The following FRMD4A variants were observed in gnomAD, a reference collection of about 807,000 sequenced individuals.
FRMD4A encodes FERM domain containing 4A, also known as FERM domain-containing protein 4A.
FRMD4A carries 29 observed loss-of-function variants against 129.1 expected under a neutral mutation model. The ratio of observed to expected loss-of-function variants is 0.22; its 90% CI spans 0.17 to 0.31. FRMD4A has a LOEUF of 0.31. Ranked by LOEUF, FRMD4A falls within the 10% of genes least tolerant of loss-of-function variation. The pLI, the probability that FRMD4A is intolerant of heterozygous loss-of-function variation, is 1.00. For missense variants in FRMD4A, 1,272 were observed against 1,375.8 expected, an observed-to-expected ratio of 0.92 and a Z score of 1.19; for synonymous variants, 634 against 571.6, an observed-to-expected ratio of 1.11 and a Z score of -1.56.
chr10:14,156,287 T>G (rs1231867338), intron 2 of FRMD4A, among the ~76,000 whole-genome samples: 1 of 152,072 alleles, frequency 6.6e-6, no homozygotes, highest in Non-Finnish European at 1.5e-5. Flanking sequence ...ATTACAACAA[T>G]ACACACCCAC....
intron 15 of FRMD4A, among the ~76,000 whole-genome samples, chr10:13,686,779 G>A (rs1378186558): frequency 6.6e-6 from 1 of 152,132 alleles, no homozygotes; most frequent in Admixed American, 6.5e-5. Context: ...AGAATGGGTC[G>A]TTTATGGCCC....
intron 3 of FRMD4A, among the ~76,000 whole-genome samples, chr10:13,853,648 A>G (rs1422977851): frequency 1.3e-5 from 2 of 152,046 alleles, no homozygotes; most frequent in Non-Finnish European, 2.9e-5. Context: ...AGCCTCGTCA[A>G]CACGGCGCAA....
intron 2 of FRMD4A, among the ~76,000 whole-genome samples, chr10:13,960,329 G>A (rs887893592): frequency 2.0e-5 from 3 of 152,202 alleles, no homozygotes; most frequent in African/African-American, 7.2e-5. Flanking sequence ...TTAATTTTTT[G>A]AGACGTTAAG....
At chr10:14,146,188 T>C (rs188002758) in intron 2 of FRMD4A, among the ~76,000 whole-genome samples, 1 of 152,314 alleles carries the variant, frequency 6.6e-6, no homozygotes, top group African/African-American at 2.4e-5. Context: ...ACTTAAAAGG[T>C]GGCTCATAGT....
chr10:13,854,295 C>T (rs766575716), intron 3 of FRMD4A, among the ~76,000 whole-genome samples: 2 of 152,204 alleles, frequency 1.3e-5, no homozygotes, highest in Non-Finnish European at 2.9e-5. Flanking sequence ...AAGGATATGA[C>T]AACGAGACTT....
chr10:13,651,718 G>C, intron 24 of FRMD4A, 185 bp downstream of exon 24: 1 of 606,648 alleles, frequency 1.6e-6, no homozygotes, highest in Non-Finnish European at 3.0e-6. Context: ...GCAGTGTTAG[G>C]AATATCATAA....
chr10:13,805,835 T>C (rs2178288), intron 4 of FRMD4A, among the ~76,000 whole-genome samples: 149,620 of 151,546 alleles, frequency 0.99, 73,893 homozygotes, highest in East Asian at 1. Flanking sequence ...ACTACAACTG[T>C]GCACCACCAT....
chr10:13,872,232 C>G (rs1272412338), intron 2 of FRMD4A, among the ~76,000 whole-genome samples: 1 of 152,322 alleles, frequency 6.6e-6, no homozygotes, highest in East Asian at 1.9e-4. Context: ...TCCTGTGGCT[C>G]TGGATGGGTG....
chr10:13,878,961 T>A (rs534325600), intron 2 of FRMD4A, among the ~76,000 whole-genome samples: 1 of 152,208 alleles, frequency 6.6e-6, no homozygotes, highest in Non-Finnish European at 1.5e-5. Flanking sequence ...TCCTTCCTCA[T>A]GTCTAGTCCT....
intron 2 of FRMD4A, among the ~76,000 whole-genome samples, chr10:13,884,172 A>C (rs1230888971): frequency 4.6e-5 from 1 of 21,650 alleles, no homozygotes; most frequent in African/African-American, 1.5e-4. Context: ...ACACACTCAC[A>C]CACTCACACA....
chr10:14,272,765 G>T (rs1845205895), intron 2 of FRMD4A, among the ~76,000 whole-genome samples: 1 of 152,176 alleles, frequency 6.6e-6, no homozygotes. Flanking sequence ...CTTGAAGGTG[G>T]TCAGGAATAT....
intron 3 of FRMD4A, among the ~76,000 whole-genome samples, chr10:13,837,874 T>C (rs1057391478): frequency 6.6e-6 from 1 of 152,248 alleles, no homozygotes; most frequent in Admixed American, 6.5e-5. Context: ...CTCTTCTTCC[T>C]GCTTCCTGTT....
intron 2 of FRMD4A, among the ~76,000 whole-genome samples, chr10:14,323,327 G>A (rs530974946): frequency 7.9e-5 from 12 of 152,324 alleles, no homozygotes; most frequent in East Asian, 3.9e-4. Context: ...ATAGCACTAC[G>A]AACTTTACAT....
At chr10:14,043,804 G>A (rs1833878181) in intron 2 of FRMD4A, among the ~76,000 whole-genome samples, 1 of 152,134 alleles carries the variant, frequency 6.6e-6, no homozygotes, top group South Asian at 2.1e-4. Flanking sequence ...ATTCAACTAG[G>A]TGTCCGGTCC....
At chr10:14,264,152 C>T (rs1564426271) in intron 2 of FRMD4A, among the ~76,000 whole-genome samples, 1 of 152,172 alleles carries the variant, frequency 6.6e-6, no homozygotes, top group Non-Finnish European at 1.5e-5. Flanking sequence ...TCCTATGAAG[C>T]TGGTAATTAT....
In FRMD4A at chr10:13,645,116, T is replaced by G. The variant is rs976159990; in HGVS notation, c.*1922A>C. The G allele has an allele frequency of 7.4e-6, 1 of 134,790 alleles. No individual in the cohort carries two copies. Among genetic ancestry groups the G allele is most frequent in the Admixed American group, 7.5e-5 (1 of 13,336 alleles). 8.3% of individuals were successfully genotyped at this position (134,790 alleles called of 1,614,324 possible). ...GCTCGACTCTCGGTGGTCTCCAGGC[T>G]GCAGCAGAAGGAATACCTTGGTATT... On this transcript the variant is annotated 3_prime_UTR_variant, in exon 25 of 25. Transcript: ENST00000357447.
chr10:14,254,320 T>C (rs1465379898), intron 2 of FRMD4A, among the ~76,000 whole-genome samples: 1 of 152,246 alleles, frequency 6.6e-6, no homozygotes, highest in African/African-American at 2.4e-5. Context: ...GGATGATATG[T>C]CAGGTTCTCT....
intron 2 of FRMD4A, among the ~76,000 whole-genome samples, chr10:14,158,558 G>A (rs949035002): frequency 1.3e-5 from 2 of 152,008 alleles, no homozygotes; most frequent in African/African-American, 4.8e-5. Flanking sequence ...GCTACAGAGA[G>A]CAATAGTCAT....
At chr10:13,962,231 A>C (rs2446578) in intron 2 of FRMD4A, among the ~76,000 whole-genome samples, 134,826 of 152,262 alleles carry the variant, frequency 0.89, 59,889 homozygotes, top group East Asian at 0.98. Context: ...CAAATGTCTA[A>C]AGTGTGGCTG....
Sources: allele counts gnomAD v4.1 joint callset (sites outside exome capture counted in the v4.1 genomes callset), GRCh38; gene constraint gnomAD v4.1.1; transcripts MANE v1.5; gene names NCBI Gene and HGNC (gene_info 2026-07-23, HGNC 2026-07-21).